Variants in PTPN20 observed in about 807,000 individuals in gnomAD.
The protein encoded by PTPN20 is protein tyrosine phosphatase non-receptor type 20.
In PTPN20, 9 loss-of-function variants were observed where a neutral mutation model predicts 35.0. The ratio of observed to expected loss-of-function variants is 0.26; its 90% CI spans 0.15 to 0.45. The LOEUF (loss-of-function observed/expected upper bound fraction) is 0.45, where lower values mean the gene tolerates loss of function less well. PTPN20 is among the 20% of genes least tolerant of loss of function. PTPN20 has a pLI of 1.00. For missense variants in PTPN20, 111 were observed against 312.5 expected (o/e 0.36, Z 4.86); for synonymous variants, 32 against 100.2 (o/e 0.32, Z 4.06).
At chr10:47,003,173 T>A (rs2060133572), downstream of PTPN20, among the ~76,000 whole-genome samples, 1 of 152,040 alleles carries the variant, frequency 6.6e-6, no homozygotes, top group Non-Finnish European at 1.5e-5. Flanking sequence ...AATTACTTCA[T>A]AATTAAACAA....
At chr10:46,919,163 A>G (rs1223506598) in intron 1 of PTPN20, among the ~76,000 whole-genome samples, 1 of 152,064 alleles carries the variant, frequency 6.6e-6, no homozygotes, top group South Asian at 2.1e-4. Context: ...TAGTTTATCA[A>G]TGTCTTTATA....
intron 2 of PTPN20, among the ~76,000 whole-genome samples, chr10:46,938,964 G>T (rs1245865529): frequency 6.6e-6 from 1 of 151,684 alleles, no homozygotes; most frequent in Non-Finnish European, 1.5e-5. Context: ...GGTGAGGCTG[G>T]ACTTTTTCTG....
At chr10:46,937,939 C>T (rs1196034279) in intron 2 of PTPN20, among the ~76,000 whole-genome samples, 10 of 126,872 alleles carry the variant, frequency 7.9e-5, no homozygotes, top group Admixed American at 2.3e-4. Flanking sequence ...CTTCTTTTTT[C>T]TTTTTCTTTT....
chr10:46,990,388 G>GT lies in PTPN20; in HGVS notation c.1134+2836dup, dbSNP rs1455125194. On this transcript the variant is annotated intron_variant, in intron 9 of 10. Coordinates refer to ENST00000374339, the MANE Select transcript of PTPN20 (RefSeq NM_001042357.5). ...ACTCCATCTCAAAAAAAAAAAAATT[G>GT]TTTGTTGATCTTTCGTATGCATTTT... 2.6e-5 allele frequency among the ~76,000 whole-genome samples: 3 copies of GT among 116,232 alleles called. No individual in the cohort carries two copies. The East Asian group carries it at 8.5e-4, about 33-fold the overall frequency. 76.3% of individuals were successfully genotyped at this position (116,232 alleles called of 152,430 possible).
At chr10:46,938,822 TG>T (rs1385000687) in intron 2 of PTPN20, among the ~76,000 whole-genome samples, 1 of 104,634 alleles carries the variant, frequency 9.6e-6, no homozygotes, top group Non-Finnish European at 1.8e-5. Context: ...GTTTAAGGTC[TG>T]AAAATTATTG....
chr10:46,963,493 TTA>T (rs1555158082), intron 5 of PTPN20, among the ~76,000 whole-genome samples: 1 of 79,216 alleles, frequency 1.3e-5, no homozygotes, highest in South Asian at 6.0e-4. Context: ...CATAGTTTCT[TTA>T]TGTTTTTCAC....
At chr10:46,939,719 A>T (rs1376350693) in intron 2 of PTPN20, among the ~76,000 whole-genome samples, 1 of 151,090 alleles carries the variant, frequency 6.6e-6, no homozygotes, top group African/African-American at 2.4e-5. Flanking sequence ...AAACCTATAC[A>T]TTTTCCCTCT....
intron 7 of PTPN20, among the ~76,000 whole-genome samples, chr10:46,979,881 T>TCC: frequency 6.8e-6 from 1 of 146,002 alleles, no homozygotes. Context: ...CTGTCCTACC[T>TCC]CAGGGGTGTA....
At chr10:46,981,135 G>A (rs1274212958) in intron 7 of PTPN20, among the ~76,000 whole-genome samples, 8 of 149,870 alleles carry the variant, frequency 5.3e-5, no homozygotes, top group East Asian at 2.1e-4. Flanking sequence ...GAAGAGGCAC[G>A]TGAATAGATC....
At chr10:46,957,561 A>C (rs1417561104) in intron 5 of PTPN20, among the ~76,000 whole-genome samples, 1 of 152,044 alleles carries the variant, frequency 6.6e-6, no homozygotes, top group Non-Finnish European at 1.5e-5. Flanking sequence ...ACATGTCTCT[A>C]CTAAAGAAAA....
intron 1 of PTPN20, among the ~76,000 whole-genome samples, chr10:46,923,546 G>C (rs1166680713): frequency 2.0e-5 from 3 of 150,702 alleles, no homozygotes; most frequent in African/African-American, 7.5e-5. Context: ...TATTTATATG[G>C]ATACTGTATT....
At chr10:46,947,035 C>T (rs2045028471) in intron 5 of PTPN20, among the ~76,000 whole-genome samples, 1 of 147,880 alleles carries the variant, frequency 6.8e-6, no homozygotes, top group Admixed American at 6.8e-5. Context: ...AAAATAATAA[C>T]ATTTTTGGAT....
In PTPN20 at chr10:47,001,049, A is replaced by T; in HGVS notation, c.*308A>T. Reference sequence around the variant, plus strand: ...AAGGGATTACAGAGCCCAATAAAGGATTTAAAATATATTCATTAAGATTTT... The same window carrying T: ...AAGGGATTACAGAGCCCAATAAAGGTTTTAAAATATATTCATTAAGATTTT... On this transcript the variant is annotated 3_prime_UTR_variant, in exon 11 of 11. Coordinates refer to ENST00000374339, the MANE Select transcript of PTPN20 (RefSeq NM_001042357.5). 1 of 398,146 alleles carries T rather than the reference A, an allele frequency of 2.5e-6. No homozygotes were observed. Among genetic ancestry groups the T allele is most frequent in the Non-Finnish European group, 4.6e-6 (1 of 218,610 alleles). The allele number at this position is 398,146 out of a possible 1,614,324, so 24.7% of individuals were successfully genotyped here.
intron 8 of PTPN20, among the ~76,000 whole-genome samples, chr10:46,986,372 G>A (rs2056878922): frequency 6.8e-6 from 1 of 147,688 alleles, no homozygotes; most frequent in Admixed American, 6.6e-5. Flanking sequence ...TCGACACTGT[G>A]GATTAGAATA....
intron 2 of PTPN20, among the ~76,000 whole-genome samples, chr10:46,937,954 T>TC (rs1397302261): frequency 2.2e-4 from 33 of 148,384 alleles, no homozygotes; most frequent in Non-Finnish European, 3.0e-4. Flanking sequence ...TCTTTTCTTT[T>TC]TTTTTTTTTT....
chr10:46,935,860 T>A (rs2041438163), intron 2 of PTPN20, among the ~76,000 whole-genome samples: 1 of 152,196 alleles, frequency 6.6e-6, no homozygotes, highest in Non-Finnish European at 1.5e-5. Flanking sequence ...CTGTTTTATG[T>A]TCATTGAGAA....
In PTPN20 at chr10:46,940,678, T is replaced by G; in HGVS notation, c.90T>G (p.Thr30=). The change falls in exon 3 of 11, where the codon ACT becomes ACG. Residue 30 remains threonine, a synonymous_variant. Transcript: ENST00000374339. ...CAGAAGACTTGAATTTCAGGGAGAC[T>G]TTGCCTTCATCAAGTCAGGAAAACA... ...SEAEDLNFRE[T]LPSSSQENTP... is the part of the protein sequence containing the mutation. 1.2e-6 allele frequency: 2 copies of G among 1,611,238 alleles called. No homozygotes were observed. The highest frequency in any genetic ancestry group is 1.1e-5 in the South Asian group (1 of 90,974).
chr10:46,966,354 AT>A (rs2050645960), intron 6 of PTPN20, among the ~76,000 whole-genome samples: 1 of 152,188 alleles, frequency 6.6e-6, no homozygotes, highest in African/African-American at 2.4e-5. Context: ...GAAATAGCTG[AT>A]TTTTAGTGGT....
At chr10:46,981,309 C>T (rs1395286470) in intron 7 of PTPN20, 12 of 143,186 alleles carry the variant, frequency 8.4e-5, no homozygotes, top group African/African-American at 3.1e-4. Flanking sequence ...TGTGTCATTG[C>T]CCATAGGTCT....
Sources: allele counts gnomAD v4.1 joint callset (sites outside exome capture counted in the v4.1 genomes callset), GRCh38; gene constraint gnomAD v4.1.1; transcripts MANE v1.5; gene names NCBI Gene and HGNC (gene_info 2026-07-23, HGNC 2026-07-21).